The following CLSTN2 variants were observed in gnomAD, a reference collection of about 807,000 sequenced individuals.
The protein encoded by CLSTN2 is calsyntenin-2.
Under a neutral mutation model 101.2 loss-of-function variants are expected in CLSTN2, and 48 were observed. The observed-to-expected ratio is 0.47, with a 90% CI of 0.38 to 0.60. The LOEUF (loss-of-function observed/expected upper bound fraction) is 0.60, where lower values mean the gene tolerates loss of function less well. Ranked by LOEUF, CLSTN2 falls within the 20% of genes least tolerant of loss-of-function variation. The pLI is 0.00. For synonymous variants in CLSTN2, 481 were observed against 463.6 expected (o/e 1.04, Z -0.48); for missense variants, 1,160 against 1,238.2 (o/e 0.94, Z 0.95).
chr3:140,064,207 G>T (rs910719725), intron 1 of CLSTN2, among the ~76,000 whole-genome samples: 1 of 152,202 alleles, frequency 6.6e-6, no homozygotes, highest in African/African-American at 2.4e-5. Flanking sequence ...TCCCTCCTCA[G>T]ACCTAAGACA....
At chr3:140,168,853 C>G (rs1456581819) in intron 1 of CLSTN2, among the ~76,000 whole-genome samples, 2 of 152,008 alleles carry the variant, frequency 1.3e-5, no homozygotes, top group Non-Finnish European at 2.9e-5. Flanking sequence ...TTGATGTATA[C>G]ATCTATCTTT....
intron 2 of CLSTN2, among the ~76,000 whole-genome samples, chr3:140,348,208 A>G (rs1012016112): frequency 1.1e-4 from 16 of 152,174 alleles, no homozygotes; most frequent in Admixed American, 9.8e-4. Flanking sequence ...CTTTGGATTC[A>G]GTTTCTCAGA....
At chr3:140,236,278 A>G (rs2086415994) in intron 2 of CLSTN2, among the ~76,000 whole-genome samples, 1 of 152,114 alleles carries the variant, frequency 6.6e-6, no homozygotes, top group South Asian at 2.1e-4. Flanking sequence ...TATTTTTTAA[A>G]CTGTACTTTA....
At chr3:140,193,238 G>T (rs1246940679) in intron 2 of CLSTN2, among the ~76,000 whole-genome samples, 2 of 140,000 alleles carry the variant, frequency 1.4e-5, no homozygotes, top group Non-Finnish European at 1.6e-5. Flanking sequence ...CTTTTCTGAT[G>T]CTCCAAGGTT....
intron 8 of CLSTN2, among the ~76,000 whole-genome samples, chr3:140,499,070 G>C (rs1934521807): frequency 6.6e-6 from 1 of 151,448 alleles, no homozygotes; most frequent in African/African-American, 2.4e-5. Flanking sequence ...GGTTTGCCTT[G>C]TTTAATCTTC....
At chr3:140,276,429 G>C (rs1366959465) in intron 2 of CLSTN2, among the ~76,000 whole-genome samples, 2 of 152,182 alleles carry the variant, frequency 1.3e-5, no homozygotes, top group Non-Finnish European at 1.5e-5. Context: ...AGTGTAAAGA[G>C]AAGGAGTAGA....
chr3:139,940,940 G>A (rs1576370800), intron 1 of CLSTN2, among the ~76,000 whole-genome samples: 1 of 152,086 alleles, frequency 6.6e-6, no homozygotes, highest in Non-Finnish European at 1.5e-5. Context: ...AGCTTATGTG[G>A]TGTGATCTGG....
intron 8 of CLSTN2, among the ~76,000 whole-genome samples, chr3:140,524,509 C>A (rs1243408885): frequency 1.3e-5 from 2 of 152,094 alleles, no homozygotes; most frequent in Non-Finnish European, 2.9e-5. Context: ...CTTCAACAGC[C>A]CACTGACAGT....
intron 1 of CLSTN2, among the ~76,000 whole-genome samples, chr3:140,073,838 G>A (rs2008437613): frequency 6.6e-6 from 1 of 152,204 alleles, no homozygotes; most frequent in Admixed American, 6.5e-5. Context: ...GAGAAGCCAG[G>A]GGTTTTATTT....
At chr3:140,236,867 AT>A (rs2107864330) in intron 2 of CLSTN2, among the ~76,000 whole-genome samples, 2 of 114,436 alleles carry the variant, frequency 1.7e-5, no homozygotes, top group Non-Finnish European at 3.9e-5. Context: ...GTGTGTGTAT[AT>A]AAATTTCACT....
chr3:140,125,022 G>A (rs567418057), intron 1 of CLSTN2, among the ~76,000 whole-genome samples: 53 of 152,296 alleles, frequency 3.5e-4, no homozygotes, highest in African/African-American at 1.3e-3. Context: ...CCTTGCAGCA[G>A]TTGAGTAAGA....
chr3:140,541,823 T>C (rs1326638791), intron 9 of CLSTN2, among the ~76,000 whole-genome samples: 1 of 152,016 alleles, frequency 6.6e-6, no homozygotes, highest in African/African-American at 2.4e-5. Flanking sequence ...ATTCTGTTTT[T>C]CCCCCAAAGG....
chr3:140,344,388 A>T (rs1444302213), intron 2 of CLSTN2, among the ~76,000 whole-genome samples: 3 of 152,228 alleles, frequency 2.0e-5, no homozygotes, highest in African/African-American at 7.2e-5. Flanking sequence ...CCAATGGCCA[A>T]AACAAGTTGT....
chr3:140,432,730 C>T (rs1475379081), intron 5 of CLSTN2, among the ~76,000 whole-genome samples: 1 of 152,176 alleles, frequency 6.6e-6, no homozygotes, highest in Non-Finnish European at 1.5e-5. Flanking sequence ...ATCTGACTCT[C>T]CTGTGGATAA....
rs561442412 is a variant in CLSTN2, at chr3:140,228,866, A to G, written c.232+52793A>G. Among the ~76,000 whole-genome samples, 8 of 152,166 alleles carry G rather than the reference A, an allele frequency of 5.3e-5. No homozygotes were observed. In the South Asian group the frequency reaches 6.2e-4, roughly 12 times the overall value. The stretch of plus-strand genomic sequence containing the variant: ...AGGAAAGACCCGCCCCCATAATTCA[A>G]TCACCTCCCACTGGGTCCCTCCCAC... On this transcript the variant is annotated intron_variant, in intron 2 of 16. Transcript: ENST00000458420.
intron 2 of CLSTN2, among the ~76,000 whole-genome samples, chr3:140,259,637 C>G (rs1242877379): frequency 6.6e-6 from 1 of 152,110 alleles, no homozygotes; most frequent in Non-Finnish European, 1.5e-5. Context: ...TCCCTCCCAC[C>G]TTTTCAAACC....
chr3:140,536,417 G>A (rs1161139439), intron 9 of CLSTN2, among the ~76,000 whole-genome samples: 1 of 152,214 alleles, frequency 6.6e-6, no homozygotes, highest in East Asian at 1.9e-4. Context: ...CAAGACCATA[G>A]CATGATCTAG....
intron 2 of CLSTN2, among the ~76,000 whole-genome samples, chr3:140,270,603 G>C (rs1258988625): frequency 2.6e-5 from 4 of 152,182 alleles, no homozygotes; most frequent in African/African-American, 7.2e-5. Context: ...TATGAGCCTG[G>C]TTGTGTGTAG....
intron 2 of CLSTN2, among the ~76,000 whole-genome samples, chr3:140,307,873 T>A (rs1238320197): frequency 6.6e-6 from 1 of 152,178 alleles, no homozygotes; most frequent in Non-Finnish European, 1.5e-5. Context: ...TAACAATACA[T>A]TTCATTTAAA....
Sources: gnomAD v4.1 joint callset for allele counts (sites outside exome capture counted in the v4.1 genomes callset) on GRCh38, gnomAD v4.1.1 for gene constraint, MANE v1.5 for transcripts, NCBI Gene and HGNC (gene_info 2026-07-23, HGNC 2026-07-21) for gene names.